Variants in OTUD7A observed in about 807,000 individuals in gnomAD.
The protein encoded by OTUD7A is OTU deubiquitinase 7A, also known as OTU domain-containing protein 7A.
OTUD7A carries 12 observed loss-of-function variants against 65.7 expected under a neutral mutation model. That is an observed-to-expected ratio of 0.18 (90% CI 0.12 to 0.30). The LOEUF (loss-of-function observed/expected upper bound fraction) is 0.30. Among genes scored for constraint, OTUD7A ranks in the 10% least tolerant of loss-of-function variants. OTUD7A has a pLI of 1.00. For missense variants in OTUD7A, 1,148 were observed against 1,304.8 expected, an observed-to-expected ratio of 0.88 and a Z score of 1.85; for synonymous variants, 641 against 586.3, an observed-to-expected ratio of 1.09 and a Z score of -1.35.
intron 1 of OTUD7A, among the ~76,000 whole-genome samples, chr15:31,708,398 CAT>C (rs1185953533): frequency 6.6e-6 from 1 of 150,432 alleles, no homozygotes; most frequent in African/African-American, 2.5e-5. Flanking sequence ...AAGAAGAAGA[CAT>C]GTGTAAGAGG....
At chr15:31,652,447 A>G (rs560101224) in intron 3 of OTUD7A, among the ~76,000 whole-genome samples, 1 of 152,342 alleles carries the variant, frequency 6.6e-6, no homozygotes, top group African/African-American at 2.4e-5. Flanking sequence ...TTTCTCAGAT[A>G]TGTCACTCAA....
chr15:31,755,859 G>C (rs1894798121), intron 1 of OTUD7A, among the ~76,000 whole-genome samples: 2 of 151,744 alleles, frequency 1.3e-5, no homozygotes, highest in Non-Finnish European at 2.9e-5. Context: ...TGGCGGCCTA[G>C]GTCTGTTAAC....
chr15:31,555,869 C>G (rs1888478154), intron 5 of OTUD7A: 1 of 33,648 alleles, frequency 3.0e-5, no homozygotes, highest in Admixed American at 3.2e-4. Context: ...TTTTTTGAGA[C>G]AGGGTTTTGT....
At chr15:31,631,666 A>T (rs188193103) in intron 3 of OTUD7A, among the ~76,000 whole-genome samples, 1,804 of 151,448 alleles carry the variant, frequency 0.012, 11 homozygotes, top group Non-Finnish European at 0.022. Flanking sequence ...TTCTCCTGGA[A>T]AATATCCTGC....
At chr15:31,506,294 T>G (rs934917880) in intron 8 of OTUD7A, among the ~76,000 whole-genome samples, 17 of 152,154 alleles carry the variant, frequency 1.1e-4, no homozygotes, top group Non-Finnish European at 2.9e-5. Flanking sequence ...TTAGCTATTT[T>G]TTTGATGGCG....
rs771724973 is a variant in OTUD7A, at chr15:31,487,573, C to G, written c.1172-7G>C. 22 of 1,610,422 alleles carry G rather than the reference C, an allele frequency of 1.4e-5. No individual in the cohort carries two copies. Among genetic ancestry groups the G allele is most frequent in the Non-Finnish European group, 1.4e-5 (16 of 1,178,362 alleles). On this transcript the variant is annotated splice_polypyrimidine_tract_variant and splice_region_variant and intron_variant, in intron 10 of 12. Coordinates refer to ENST00000307050, the MANE Select transcript of OTUD7A (RefSeq NM_001382637.1). The surrounding 1 kb of genome is among the most constrained non-coding windows in gnomAD (Gnocchi z 6.0). ...TCCGTCAGGGGGATCACGGCTGGAA[C>G]AGAAGAGACAGAGCCGTGCTTGGAG...
At chr15:31,662,927 C>T (rs1892205891) in intron 1 of OTUD7A, among the ~76,000 whole-genome samples, 1 of 152,086 alleles carries the variant, frequency 6.6e-6, no homozygotes, top group Non-Finnish European at 1.5e-5. Context: ...CAAATCAAAG[C>T]TATTGATTTC....
At chr15:31,839,953 C>T (rs28580290) in intron 1 of OTUD7A, among the ~76,000 whole-genome samples, 10 of 151,818 alleles carry the variant, frequency 6.6e-5, no homozygotes, top group African/African-American at 1.7e-4. Flanking sequence ...TTTAAAAAAA[C>T]TTTTTTTTGT....
chr15:31,523,550 C>G (rs552416792), intron 8 of OTUD7A, among the ~76,000 whole-genome samples: 5 of 152,312 alleles, frequency 3.3e-5, no homozygotes, highest in African/African-American at 1.2e-4. Flanking sequence ...AGTCCTGAAG[C>G]CAGCCCGCTT....
chr15:31,760,955 G>A (rs1894946904), intron 1 of OTUD7A, among the ~76,000 whole-genome samples: 2 of 151,878 alleles, frequency 1.3e-5, no homozygotes, highest in Admixed American at 1.3e-4. Context: ...ACAAATAATG[G>A]TCGGGCAACT....
chr15:31,679,269 T>G (rs2141303798), intron 1 of OTUD7A, among the ~76,000 whole-genome samples: 1 of 152,328 alleles, frequency 6.6e-6, no homozygotes, highest in African/African-American at 2.4e-5. Context: ...TTGTCTCAGA[T>G]GAAATTTTGG....
At chr15:31,831,586 G>A (rs1896932304) in intron 1 of OTUD7A, among the ~76,000 whole-genome samples, 1 of 152,212 alleles carries the variant, frequency 6.6e-6, no homozygotes, top group Non-Finnish European at 1.5e-5. Flanking sequence ...GTGGGCAGGA[G>A]AAGAAAACAG....
chr15:31,756,836 A>G (rs1406277250), intron 1 of OTUD7A, among the ~76,000 whole-genome samples: 1 of 152,190 alleles, frequency 6.6e-6, no homozygotes, highest in African/African-American at 2.4e-5. Context: ...CTGCGGACCT[A>G]ACAACTACTC....
At chr15:31,601,166 G>A (rs910380961) in intron 3 of OTUD7A, among the ~76,000 whole-genome samples, 3 of 151,940 alleles carry the variant, frequency 2.0e-5, no homozygotes, top group African/African-American at 4.8e-5. Context: ...CATTCTTCTC[G>A]GCACCACATC....
chr15:31,533,618 A>T (rs1887705743), intron 5 of OTUD7A, among the ~76,000 whole-genome samples: 1 of 152,334 alleles, frequency 6.6e-6, no homozygotes, highest in African/African-American at 2.4e-5. Context: ...TTCAGTAATA[A>T]GCAAGGAGAT....
At chr15:31,710,887 T>G (rs1244239395) in intron 1 of OTUD7A, among the ~76,000 whole-genome samples, 1 of 152,074 alleles carries the variant, frequency 6.6e-6, no homozygotes, top group East Asian at 1.9e-4. Flanking sequence ...GGGGAGTCTT[T>G]CTTTCTAATT....
intron 1 of OTUD7A, among the ~76,000 whole-genome samples, chr15:31,755,784 C>T (rs1238386203): frequency 2.0e-5 from 3 of 152,040 alleles, no homozygotes; most frequent in African/African-American, 7.2e-5. Flanking sequence ...ATGGTGTTTT[C>T]ACTGAAATGC....
intron 3 of OTUD7A, among the ~76,000 whole-genome samples, chr15:31,653,372 C>G (rs940088819): frequency 1.3e-5 from 2 of 152,112 alleles, no homozygotes; most frequent in Non-Finnish European, 2.9e-5. Flanking sequence ...CTGAAATGCC[C>G]CTGGACAGAT....
intron 1 of OTUD7A, among the ~76,000 whole-genome samples, chr15:31,758,390 C>A (rs1372859092): frequency 6.6e-6 from 1 of 152,228 alleles, no homozygotes; most frequent in Non-Finnish European, 1.5e-5. Flanking sequence ...TGGTCTCATT[C>A]TACTGAGTCT....
Sources: allele counts gnomAD v4.1 joint callset (sites outside exome capture counted in the v4.1 genomes callset), GRCh38; gene constraint gnomAD v4.1.1; non-coding constraint Gnocchi (gnomAD v3.1); transcripts MANE v1.5; gene names NCBI Gene and HGNC (gene_info 2026-07-23, HGNC 2026-07-21).